Variants in AUTS2 observed in about 807,000 individuals in gnomAD.
AUTS2 encodes activator of transcription and developmental regulator AUTS2.
In AUTS2, 17 loss-of-function variants were observed where a neutral mutation model predicts 112.4. That is an observed-to-expected ratio of 0.15 (90% CI 0.10 to 0.23). AUTS2 has a LOEUF of 0.23. Ranked by LOEUF, AUTS2 falls within the 10% of genes least tolerant of loss-of-function variation. The pLI is 1.00. For synonymous variants in AUTS2, 751 were observed against 702.7 expected, an observed-to-expected ratio of 1.07 and a Z score of -1.09; for missense variants, 1,510 against 1,701.6, an observed-to-expected ratio of 0.89 and a Z score of 1.98.
intron 6 of AUTS2, among the ~76,000 whole-genome samples, chr7:70,733,341 CAG>C (rs1317707421): frequency 1.3e-5 from 2 of 152,168 alleles, no homozygotes; most frequent in African/African-American, 2.4e-5. Flanking sequence ...ATTGCATAAA[CAG>C]AGCATTTTAT....
intron 1 of AUTS2, among the ~76,000 whole-genome samples, chr7:69,735,985 A>C (rs528785161): frequency 4.1e-4 from 62 of 152,326 alleles, no homozygotes; most frequent in African/African-American, 1.5e-3. Flanking sequence ...CAAGGATATA[A>C]GCTTTGTGTC....
At chr7:69,775,934 A>G (rs942468624) in intron 1 of AUTS2, among the ~76,000 whole-genome samples, 21 of 152,218 alleles carry the variant, frequency 1.4e-4, no homozygotes, top group African/African-American at 5.1e-4. Context: ...GGCCCTGGGT[A>G]GGAGACCTCC....
intron 4 of AUTS2, among the ~76,000 whole-genome samples, chr7:70,385,857 G>T (rs1793583340): frequency 1.3e-5 from 2 of 152,076 alleles, no homozygotes; most frequent in Admixed American, 6.6e-5. Context: ...GAGAGATATG[G>T]GCTGTATCAC....
chr7:70,268,877 A>T (rs1453666296), intron 4 of AUTS2, among the ~76,000 whole-genome samples: 3 of 152,174 alleles, frequency 2.0e-5, no homozygotes, highest in Admixed American at 2.0e-4. Flanking sequence ...AGTATACTGA[A>T]TATAAAAATA....
intron 4 of AUTS2, among the ~76,000 whole-genome samples, chr7:70,169,987 A>G (rs1808583772): frequency 6.6e-6 from 1 of 152,084 alleles, no homozygotes; most frequent in Non-Finnish European, 1.5e-5. Context: ...TCCAAATACA[A>G]TTGCAGTAAT....
chr7:70,493,592 G>C (rs1798333794), intron 5 of AUTS2, among the ~76,000 whole-genome samples: 1 of 152,124 alleles, frequency 6.6e-6, no homozygotes, highest in African/African-American at 2.4e-5. Flanking sequence ...CTCCCCCAGA[G>C]AGCTGGGGGA....
chr7:70,052,588 T>G (rs1360809192), intron 2 of AUTS2, among the ~76,000 whole-genome samples: 1 of 152,220 alleles, frequency 6.6e-6, no homozygotes, highest in Non-Finnish European at 1.5e-5. Flanking sequence ...TTTTCTAATT[T>G]GCACTAAAAC....
At position 70,053,544 on chromosome 7, in the gene AUTS2, G is replaced by GTTTTTTTTTTTGTTTTTTTTTTT. The variant is rs374585322; in HGVS notation, c.523-64577_523-64576insGTTTTTTTTTTTTTTTTTTTTTT. Among the ~76,000 whole-genome samples the GTTTTTTTTTTTGTTTTTTTTTTT allele has an allele frequency of 7.6e-4, 97 of 127,804 alleles. 4 individuals carry two copies. Among genetic ancestry groups the GTTTTTTTTTTTGTTTTTTTTTTT allele is most frequent in the African/African-American group, 2.5e-3 (80 of 32,320 alleles). The allele number at this position is 127,804 out of a possible 152,430, so 83.8% of individuals were successfully genotyped here. On this transcript the variant is annotated intron_variant, in intron 2 of 18. Transcript: ENST00000342771. The stretch of plus-strand genomic sequence containing the variant: ...ATTGTGGCAACCACTGTTTTGGGTG[G>GTTTTTTTTTTTGTTTTTTTTTTT]TTTTTTTTTTTTGGAGACAGGATCT...
intron 1 of AUTS2, among the ~76,000 whole-genome samples, chr7:69,723,465 C>T (rs1363845496): frequency 6.6e-6 from 1 of 152,088 alleles, no homozygotes; most frequent in Non-Finnish European, 1.5e-5. Flanking sequence ...TCAAGCTTCA[C>T]CATTATTAGC....
At chr7:70,730,546 C>A (rs1381282175) in intron 6 of AUTS2, among the ~76,000 whole-genome samples, 1 of 152,162 alleles carries the variant, frequency 6.6e-6, no homozygotes, top group Non-Finnish European at 1.5e-5. Flanking sequence ...TTTCACTTAG[C>A]ATAATGTTTT....
intron 4 of AUTS2, among the ~76,000 whole-genome samples, chr7:70,399,729 A>G (rs988919151): frequency 6.6e-6 from 1 of 151,970 alleles, no homozygotes; most frequent in Non-Finnish European, 1.5e-5. Context: ...ATATAATTGT[A>G]ATACCCAGCA....
At chr7:70,616,084 TC>T (rs1804350536) in intron 5 of AUTS2, among the ~76,000 whole-genome samples, 1 of 152,156 alleles carries the variant, frequency 6.6e-6, no homozygotes, top group South Asian at 2.1e-4. Flanking sequence ...GAGGGATTTC[TC>T]CAAAAAGACA....
intron 1 of AUTS2, among the ~76,000 whole-genome samples, chr7:69,857,823 A>G (rs575241964): frequency 6.6e-6 from 1 of 152,268 alleles, no homozygotes; most frequent in East Asian, 1.9e-4. Flanking sequence ...TCTCAAAAAA[A>G]AAAAAAAGAC....
chr7:70,188,362 T>C (rs1809712174), intron 4 of AUTS2, among the ~76,000 whole-genome samples: 1 of 152,188 alleles, frequency 6.6e-6, no homozygotes, highest in Non-Finnish European at 1.5e-5. Context: ...GCTAGGAGGC[T>C]ACAGAGGTTA....
chr7:70,038,161 G>T (rs776683662), intron 2 of AUTS2, among the ~76,000 whole-genome samples: 1 of 151,988 alleles, frequency 6.6e-6, no homozygotes. Context: ...TTGAGAACCC[G>T]TAGGCTCTGG....
chr7:69,988,932 C>T (rs1473828375), intron 2 of AUTS2, among the ~76,000 whole-genome samples: 1 of 152,008 alleles, frequency 6.6e-6, no homozygotes, highest in Admixed American at 6.5e-5. Flanking sequence ...GGGTGGAGTG[C>T]TACTAAGTTG....
chr7:70,162,691 A>G (rs1203899098), intron 4 of AUTS2, among the ~76,000 whole-genome samples: 1 of 152,078 alleles, frequency 6.6e-6, no homozygotes, highest in Admixed American at 6.5e-5. Flanking sequence ...GTATTATTAA[A>G]CGAAAACATA....
At chr7:69,724,729 A>C (rs999717693) in intron 1 of AUTS2, among the ~76,000 whole-genome samples, 1 of 152,188 alleles carries the variant, frequency 6.6e-6, no homozygotes, top group Admixed American at 6.5e-5. Context: ...GAAAATTTCA[A>C]ATTATGGTCT....
intron 2 of AUTS2, among the ~76,000 whole-genome samples, chr7:70,005,868 A>G (rs142588814): frequency 3.9e-5 from 6 of 152,308 alleles, no homozygotes; most frequent in Non-Finnish European, 8.8e-5. Context: ...TTGGTTTTAT[A>G]TGTTTAGCAT....
Sources: gnomAD v4.1 joint callset for allele counts (sites outside exome capture counted in the v4.1 genomes callset) on GRCh38, gnomAD v4.1.1 for gene constraint, MANE v1.5 for transcripts, NCBI Gene and HGNC (gene_info 2026-07-23, HGNC 2026-07-21) for gene names.